ZC3HAV1L: variants seen among roughly 807,000 people sequenced by gnomAD.
The protein encoded by ZC3HAV1L is ZC3HAV1 like.
ZC3HAV1L carries 23 observed loss-of-function variants against 28.2 expected under a neutral mutation model. The ratio of observed to expected loss-of-function variants is 0.82; its 90% CI spans 0.59 to 1.16. ZC3HAV1L has a LOEUF of 1.16. Ranked by LOEUF, ZC3HAV1L falls within the 50% of genes most tolerant of loss-of-function variation. The pLI, the probability that ZC3HAV1L is intolerant of heterozygous loss-of-function variation, is 0.00. For synonymous variants in ZC3HAV1L, 180 were observed against 163.4 expected, an observed-to-expected ratio of 1.10 and a Z score of -0.78; for missense variants, 376 against 387.7, an observed-to-expected ratio of 0.97 and a Z score of 0.25.
chr7:139,029,568 T>TA (rs1373559190), intron 2 of ZC3HAV1L, among the ~76,000 whole-genome samples: 4 of 152,098 alleles, frequency 2.6e-5, no homozygotes, highest in Admixed American at 6.6e-5. Flanking sequence ...TAGATAAAGC[T>TA]AAAAAAATGC....
At chr7:139,033,617 G>T in intron 2 of ZC3HAV1L, 2 of 666,636 alleles carry the variant, frequency 3.0e-6, no homozygotes, top group Non-Finnish European at 3.7e-6. Context: ...CAACCCATCA[G>T]CTGCTCACAA....
At chr7:139,022,980 GC>G (rs1422587683), downstream of ZC3HAV1L, among the ~76,000 whole-genome samples, 2 of 152,072 alleles carry the variant, frequency 1.3e-5, no homozygotes. Flanking sequence ...TTCAAGACCA[GC>G]CTGGCCAACA....
Position 139,035,646 on chromosome 7 carries a change from TTC to T in ZC3HAV1L, c.365+5_365+6del. On this transcript the variant is annotated splice_donor_5th_base_variant and intron_variant, in intron 1 of 4. Transcript: ENST00000275766. ...CCCACAGTCCCCGCCCGCCGCCGCCTTCTCACCAGCAGTCCCGGTTGGGGCAC... is the reference window on the plus strand; with the variant it reads ...CCCACAGTCCCCGCCCGCCGCCGCCTTCACCAGCAGTCCCGGTTGGGGCAC... 7.1e-7 allele frequency: 1 copy of T among 1,406,370 alleles called. No individual in the cohort carries two copies. The highest frequency in any genetic ancestry group is 9.2e-7 in the Non-Finnish European group (1 of 1,088,376). 87.1% of individuals were successfully genotyped at this position (1,406,370 alleles called of 1,614,324 possible).
In ZC3HAV1L at chr7:139,035,800, C is replaced by A. The variant is rs1271483870; in HGVS notation, c.218G>T (p.Gly73Val). The A allele has an allele frequency of 4.0e-6, 6 of 1,488,074 alleles. No homozygotes were observed. The South Asian group carries it at 5.1e-5, about 13-fold the overall frequency. 92.2% of individuals were successfully genotyped at this position (1,488,074 alleles called of 1,614,324 possible). Residue 73 changes from glycine (G) to valine (V), a missense_variant, in exon 1 of 5, where the codon GGC becomes GTC. Transcript: ENST00000275766. Reference protein sequence around the residue: ...AEAEAAAGAVGGGGTSAWRVV... With the variant: ...AEAEAAAGAVVGGGTSAWRVV... ...CCTCCAGGCGGAGGTGCCGCCACCG[C>A]CCACCGCGCCGGCCGCCGCCTCGGC...
chr7:139,030,236 A>G (rs1166508205), intron 2 of ZC3HAV1L, among the ~76,000 whole-genome samples: 2 of 151,970 alleles, frequency 1.3e-5, no homozygotes, highest in Non-Finnish European at 2.9e-5. Context: ...ACCTGAGGTC[A>G]GGAGTTCATA....
chr7:139,028,826 C>T lies in ZC3HAV1L; in HGVS notation c.636G>A (p.Gln212=). 6.2e-7 allele frequency: 1 copy of T among 1,614,170 alleles called. No homozygotes were observed. The highest frequency in any genetic ancestry group is 8.5e-7 in the Non-Finnish European group (1 of 1,180,034). ...CKLQTCKRSH[Q]LIHAASLKLL... Reference sequence around the variant, plus strand: ...GCTTCAAAGATGCAGCATGGATAAGCTGATGGGACCGTTTGCAGGTCTGAA... The same window carrying T: ...GCTTCAAAGATGCAGCATGGATAAGTTGATGGGACCGTTTGCAGGTCTGAA... Residue 212 remains glutamine, a synonymous_variant, in exon 3 of 5, where the codon CAG becomes CAA. Transcript: ENST00000275766.
intron 3 of ZC3HAV1L, 142 bp downstream of exon 3, chr7:139,028,559 CT>C: frequency 8.7e-7 from 1 of 1,150,776 alleles, no homozygotes; most frequent in African/African-American, 1.6e-5. Context: ...CTGTTCTAAA[CT>C]TTCCCAAGAA....
Position 139,026,754 on chromosome 7 carries a change from A to AC in ZC3HAV1L, c.839dup (p.Pro281SerfsTer54). ...ACTGAGCAGGGACAGAAGCCAGAGGACCAGCTTCTGCAGCTCCAGCTGCGT... is the reference window on the plus strand; with the variant it reads ...ACTGAGCAGGGACAGAAGCCAGAGGACCCAGCTTCTGCAGCTCCAGCTGCGT... On this transcript the variant is annotated frameshift_variant, in exon 4 of 5. Transcript: ENST00000275766. LOFTEE classifies it low-confidence loss of function (END_TRUNC). 6.2e-7 allele frequency: 1 copy of AC among 1,614,182 alleles called. No homozygotes were observed. Among genetic ancestry groups the AC allele is most frequent in the South Asian group, 1.1e-5 (1 of 91,076 alleles).
In ZC3HAV1L at chr7:139,035,831, C is replaced by A; in HGVS notation, c.187G>T (p.Ala63Ser). The A allele has an allele frequency of 6.7e-7, 1 of 1,486,274 alleles. No homozygotes were observed. The highest frequency in any genetic ancestry group is 8.9e-7 in the Non-Finnish European group (1 of 1,127,110). The allele number at this position is 1,486,274 out of a possible 1,614,324, so 92.1% of individuals were successfully genotyped here. Residue 63 changes from alanine to serine, a missense_variant, in exon 1 of 5, where the codon GCG (alanine) becomes TCG (serine). Coordinates refer to ENST00000275766, the MANE Select transcript of ZC3HAV1L (RefSeq NM_080660.4). ...GCGCCGGCCGCCGCCTCGGCCTCCG[C>A]GTCCCCGAGGCCCTCCTGCGTCTCC... ...EVETQEGLGD[A>S]EAEAAAGAVG...
chr7:139,028,967 C>A lies in ZC3HAV1L; in HGVS notation c.502-7G>T. On this transcript the variant is annotated splice_polypyrimidine_tract_variant and splice_region_variant and intron_variant, in intron 2 of 4. Coordinates refer to ENST00000275766, the MANE Select transcript of ZC3HAV1L (RefSeq NM_080660.4). ...TGTTGTAGAGCAAACAGACCTGGTA[C>A]AGAAATGAGGGAACACCTGAAATAT... 1 of 1,608,554 alleles carries A rather than the reference C, an allele frequency of 6.2e-7. No individual in the cohort carries two copies. Among genetic ancestry groups the A allele is most frequent in the Non-Finnish European group, 8.5e-7 (1 of 1,176,372 alleles).
In ZC3HAV1L at chr7:139,034,568, T is replaced by C. The variant is rs1815640846; in HGVS notation, c.476A>G (p.Gln159Arg). The C allele has an allele frequency of 6.2e-7, 1 of 1,614,076 alleles. No individual in the cohort carries two copies. Among genetic ancestry groups the C allele is most frequent in the Non-Finnish European group, 8.5e-7 (1 of 1,180,028 alleles). The part of the protein sequence containing the change: ...NENQLRILLL[Q>R]NDPCLLPEVC... The stretch of plus-strand genomic sequence containing the variant: ...CTCTGGTAAAAGACAGGGGTCATTC[T>C]GCAAAAGCAGGATCCGAAGCTGGTT... The change falls in exon 2 of 5, where the codon CAG (glutamine) becomes CGG (arginine). Residue 159 changes from glutamine to arginine, a missense_variant. By Grantham distance (43) the Gln-to-Arg change is conservative. Coordinates refer to ENST00000275766, the MANE Select transcript of ZC3HAV1L (RefSeq NM_080660.4).
rs145303950 is a variant in ZC3HAV1L, at chr7:139,026,883, T to C, written c.761-50A>G. On this transcript the variant is annotated intron_variant, in intron 3 of 4. Transcript: ENST00000275766. ...TTCCTACGATACCCCAAGTTTCATT[T>C]TACGTTGGGAGCAACAGCCCAGCTA... 1.2e-3 allele frequency: 1,936 copies of C among 1,575,532 alleles called. 3 individuals are homozygous for C. The highest frequency in any genetic ancestry group is 1.5e-3 in the Non-Finnish European group (1,761 of 1,156,196).
intron 2 of ZC3HAV1L, among the ~76,000 whole-genome samples, chr7:139,029,779 G>A (rs1265958299): frequency 6.6e-6 from 1 of 152,112 alleles, no homozygotes; most frequent in African/African-American, 2.4e-5. Flanking sequence ...TGCTTCCAGG[G>A]AAACCAGTTT....
Position 139,035,959 on chromosome 7 carries a change from C to A in ZC3HAV1L, c.59G>T (p.Arg20Leu). ...LTKVLCAHGGRMFLKDLRGHV... is the reference protein window; with the variant it reads ...LTKVLCAHGGLMFLKDLRGHV... ...GCCGCGCAGGTCCTTCAGGAACATG[C>A]GGCCGCCGTGGGCGCACAGCACCTT... The change falls in exon 1 of 5, where the codon CGC becomes CTC. Residue 20 changes from arginine (R) to leucine (L), a missense_variant. Arg to Leu is a moderately radical substitution (Grantham distance 102, BLOSUM62 -2). Coordinates refer to ENST00000275766, the MANE Select transcript of ZC3HAV1L (RefSeq NM_080660.4). 1.3e-6 allele frequency: 2 copies of A among 1,519,682 alleles called. No homozygotes were observed. Among genetic ancestry groups the A allele is most frequent in the East Asian group, 2.6e-5 (1 of 38,084 alleles). The allele number at this position is 1,519,682 out of a possible 1,614,324, so 94.1% of individuals were successfully genotyped here. A position where few individuals can be genotyped will look rare whatever the true frequency, so the allele number is the denominator to read the frequency against.
intron 2 of ZC3HAV1L, chr7:139,034,262 G>A (rs1341095851): frequency 1.2e-6 from 1 of 852,254 alleles, no homozygotes; most frequent in Non-Finnish European, 1.4e-6. Context: ...CACTGTGCTA[G>A]ATTAGAAAAT....
chr7:139,027,151 T>C (rs1815379892), intron 3 of ZC3HAV1L, among the ~76,000 whole-genome samples: 5 of 152,264 alleles, frequency 3.3e-5, no homozygotes, highest in African/African-American at 1.2e-4. Flanking sequence ...GACACTGGTA[T>C]ATGCAGAGCC....
At chr7:139,027,615 T>C (rs1815393092) in intron 3 of ZC3HAV1L, among the ~76,000 whole-genome samples, 1 of 152,202 alleles carries the variant, frequency 6.6e-6, no homozygotes, top group Non-Finnish European at 1.5e-5. Flanking sequence ...AGTTCGAGGC[T>C]GCAGTGAGTC....
chr7:139,034,772 A>G, intron 1 of ZC3HAV1L, 94 bp from the exon 2 acceptor site: 9 of 1,502,870 alleles, frequency 6.0e-6, no homozygotes, highest in Non-Finnish European at 8.0e-6. Context: ...TATTTAATAC[A>G]TGTGAAGTTG....
At chr7:139,031,886 T>C (rs1410617693) in intron 2 of ZC3HAV1L, among the ~76,000 whole-genome samples, 6 of 151,570 alleles carry the variant, frequency 4.0e-5, no homozygotes, top group South Asian at 2.1e-4. Flanking sequence ...GCCTGGGCGA[T>C]AGAGCAAGAT....
Sources: gnomAD v4.1 joint callset for allele counts (sites outside exome capture counted in the v4.1 genomes callset) on GRCh38, gnomAD v4.1.1 for gene constraint, MANE v1.5 for transcripts, NCBI Gene and HGNC (gene_info 2026-07-23, HGNC 2026-07-21) for gene names.